The following COL11A1 variants were observed in gnomAD, a reference collection of about 807,000 sequenced individuals.
COL11A1 encodes the protein collagen alpha-1(XI) chain.
COL11A1 carries 74 observed loss-of-function variants against 265.2 expected under a neutral mutation model. The observed-to-expected ratio is 0.28, with a 90% confidence interval of 0.23 to 0.34. The LOEUF (loss-of-function observed/expected upper bound fraction) is 0.34, where lower values mean the gene tolerates loss of function less well. Ranked by LOEUF, COL11A1 falls within the 10% of genes least tolerant of loss-of-function variation. The probability of loss-of-function intolerance (pLI) is 1.00; values close to 1 mark genes in which losing one functional copy is unlikely to be tolerated. For missense variants in COL11A1, 2,165 were observed against 2,263.6 expected (o/e 0.96, Z 0.88); for synonymous variants, 816 against 727.6 (o/e 1.12, Z -1.96).
rs369002561 is a variant in COL11A1 at position 102,921,318 on chromosome 1, C to T, written c.3708+200G>A. Among the ~76,000 whole-genome samples, 8 of 152,210 alleles carry T rather than the reference C, an allele frequency of 5.3e-5. 1 individual carries two copies. The South Asian group carries it at 1.7e-3, about 32-fold the overall frequency. ...GAATGGAAAATGTGTACCTATGTTA[C>T]ATTTTCCATGATTTGTTCACTATAA... On this transcript the variant is annotated intron_variant, in intron 48 of 66. Transcript: ENST00000370096.
intron 53 of COL11A1, among the ~76,000 whole-genome samples, chr1:102,913,320 T>G (rs570026381): frequency 6.6e-6 from 1 of 152,304 alleles, no homozygotes; most frequent in African/African-American, 2.4e-5. Flanking sequence ...GAAATAACTT[T>G]GCTTTTAGTA....
intron 54 of COL11A1, among the ~76,000 whole-genome samples, chr1:102,908,371 T>C (rs1018814084): frequency 1.3e-5 from 2 of 152,112 alleles, no homozygotes; most frequent in Admixed American, 6.5e-5. Flanking sequence ...TTTGGATAAA[T>C]AGGAAATTTC....
chr1:103,066,783 G>A (rs1252817598), intron 4 of COL11A1, among the ~76,000 whole-genome samples: 1 of 151,854 alleles, frequency 6.6e-6, no homozygotes, highest in Non-Finnish European at 1.5e-5. Context: ...CCAGTAACCT[G>A]ACTCTAACAG....
intron 5 of COL11A1, among the ~76,000 whole-genome samples, chr1:103,028,617 C>T (rs35834443): frequency 0.079 from 12,033 of 152,008 alleles, 530 homozygotes; most frequent in Middle Eastern, 0.14. Context: ...TCAACTTTGT[C>T]GGTATTCTAA....
chr1:103,072,176 T>C (rs1671644102), intron 4 of COL11A1, among the ~76,000 whole-genome samples: 1 of 151,896 alleles, frequency 6.6e-6, no homozygotes, highest in Non-Finnish European at 1.5e-5. Context: ...AAACTATAAT[T>C]GTTCCAACTT....
intron 5 of COL11A1, 54 bp downstream of exon 5, chr1:103,031,062 G>A: frequency 6.3e-7 from 1 of 1,598,386 alleles, no homozygotes; most frequent in Non-Finnish European, 8.6e-7. Context: ...AAACTGCACT[G>A]CGATGTCCAT....
At chr1:103,039,763 G>C (rs542741224) in intron 4 of COL11A1, among the ~76,000 whole-genome samples, 1 of 151,582 alleles carries the variant, frequency 6.6e-6, no homozygotes, top group Non-Finnish European at 1.5e-5. Context: ...TTATTCGTCT[G>C]AAGTTCTGTC....
chr1:103,094,532 C>T (rs892741844), intron 1 of COL11A1, among the ~76,000 whole-genome samples: 4 of 152,028 alleles, frequency 2.6e-5, no homozygotes, highest in Non-Finnish European at 5.9e-5. Flanking sequence ...GTCTGCGTCT[C>T]CTGCCTCCCC....
intron 46 of COL11A1, among the ~76,000 whole-genome samples, chr1:102,931,765 T>C (rs1262762217): frequency 6.6e-6 from 1 of 151,990 alleles, no homozygotes; most frequent in Non-Finnish European, 1.5e-5. Flanking sequence ...GCTTTATGAA[T>C]CTTGGTGCTC....
chr1:102,935,734 G>T (rs925680715), intron 44 of COL11A1, among the ~76,000 whole-genome samples: 4 of 152,072 alleles, frequency 2.6e-5, no homozygotes, highest in Admixed American at 6.6e-5. Flanking sequence ...AATATAAAAG[G>T]TTCAGGCATT....
At chr1:102,910,165 A>C (rs534477612) in intron 54 of COL11A1, among the ~76,000 whole-genome samples, 19 of 151,976 alleles carry the variant, frequency 1.3e-4, no homozygotes, top group Admixed American at 5.9e-4. Flanking sequence ...TCTCTTTTTT[A>C]TGTTTGCATT....
At chr1:103,011,631 C>A (rs1193818167) in intron 14 of COL11A1, among the ~76,000 whole-genome samples, 4 of 151,924 alleles carry the variant, frequency 2.6e-5, no homozygotes, top group African/African-American at 9.7e-5. Flanking sequence ...AGTTTTGCTG[C>A]AAGTGTCTAC....
chr1:102,888,257 C>A (rs2100848778), intron 62 of COL11A1, among the ~76,000 whole-genome samples: 1 of 151,946 alleles, frequency 6.6e-6, no homozygotes, highest in South Asian at 2.1e-4. Flanking sequence ...GTCATTATTC[C>A]TAGAGTCAAG....
At position 102,979,082 on chromosome 1, in the gene COL11A1, G is replaced by C. The variant is rs370974962; in HGVS notation, c.2633C>G (p.Pro878Arg). The C allele has an allele frequency of 6.2e-6, 10 of 1,614,126 alleles. No individual in the cohort carries two copies. The highest frequency in any genetic ancestry group is 8.5e-6 in the Non-Finnish European group (10 of 1,180,022). ...TACCGTTGGACCACGCTGACCCCGAGGGCCTGGTTTGCCAGCTACTCCCTA... is the reference window on the plus strand; with the variant it reads ...TACCGTTGGACCACGCTGACCCCGACGGCCTGGTTTGCCAGCTACTCCCTA... ...GARGVAGKPGPRGQRGPTGPR... is the reference protein window; with the variant it reads ...GARGVAGKPGRRGQRGPTGPR... Residue 878 changes from proline (P) to arginine (R), a missense_variant, in exon 33 of 67, where the codon CCT becomes CGT. Transcript: ENST00000370096.
Position 102,886,927 on chromosome 1 carries a change from A to G in COL11A1, c.4738T>C (p.Phe1580Leu), listed in dbSNP as rs766197307. 3 of 1,613,698 alleles carry G rather than the reference A, an allele frequency of 1.9e-6. No individual in the cohort carries two copies. Among genetic ancestry groups the G allele is most frequent in the Non-Finnish European group, 1.7e-6 (2 of 1,179,828 alleles). ...LDYSDGMEEI[F>L]GSLNSLKQDI... is the part of the protein sequence containing the mutation. ...TGTTTCAGGGAATTGAGGGAACCAA[A>G]TATTTCTTCCATTCCATCCGAGTAA... The change falls in exon 63 of 67, where the codon TTT (phenylalanine) becomes CTT (leucine). Residue 1580 changes from phenylalanine (F) to leucine (L), a missense_variant. Coordinates refer to ENST00000370096, the MANE Select transcript of COL11A1 (RefSeq NM_001854.4).
chr1:102,899,814 A>C (rs1401859457), intron 54 of COL11A1, among the ~76,000 whole-genome samples: 2 of 152,090 alleles, frequency 1.3e-5, no homozygotes, highest in Non-Finnish European at 2.9e-5. Flanking sequence ...ATTGGTGAGA[A>C]TAAGGTGAGG....
rs961700686 is a variant in COL11A1, at chr1:102,931,399, G to A, written c.3600+3050C>T. Among the ~76,000 whole-genome samples the A allele has an allele frequency of 6.4e-4, 96 of 149,318 alleles. 1 individual carries two copies. The East Asian group carries it at 0.018, about 28-fold the overall frequency. On this transcript the variant is annotated intron_variant, in intron 46 of 66. Transcript: ENST00000370096. ...TTGTTCAGTTTCCATGTAGTTGAGC[G>A]GTTTTGAGTGAGATTCTTAATCCTG...
At chr1:102,893,455 T>C (rs748113311) in intron 57 of COL11A1, among the ~76,000 whole-genome samples, 2 of 152,262 alleles carry the variant, frequency 1.3e-5, no homozygotes, top group Non-Finnish European at 2.9e-5. Context: ...AGAGCAGTTA[T>C]AAATAACCCT....
Position 103,006,086 on chromosome 1 carries a change from T to C in COL11A1, c.1773A>G (p.Pro591=), listed in dbSNP as rs1571009440. The change falls in exon 17 of 67, where the codon CCA becomes CCG. Residue 591 remains proline, a synonymous_variant. Coordinates refer to ENST00000370096, the MANE Select transcript of COL11A1 (RefSeq NM_001854.4). ...TCCTGACCTTTGCCCCAGGTTCTCC[T>C]GGCATTCCTCTTCCTCCATCTGCAC... ...RPGADGGRGM[P]GEPGAKGDRG... is the part of the protein sequence containing the mutation. The C allele has an allele frequency of 3.7e-6, 6 of 1,614,082 alleles. No homozygotes were observed. In the South Asian group the frequency reaches 5.5e-5, roughly 15 times the overall value.
Sources: allele counts gnomAD v4.1 joint callset (sites outside exome capture counted in the v4.1 genomes callset), GRCh38; gene constraint gnomAD v4.1.1; transcripts MANE v1.5; gene names NCBI Gene and HGNC (gene_info 2026-07-23, HGNC 2026-07-21).